The following RBM20 variants were observed in gnomAD, a reference collection of about 807,000 sequenced individuals.
RBM20 encodes RNA-binding protein 20.
Under a neutral mutation model 110.1 loss-of-function variants are expected in RBM20, and 51 were observed. That is an observed-to-expected ratio of 0.46 (90% confidence interval 0.37 to 0.59). RBM20 has a LOEUF of 0.59. Among genes scored for constraint, RBM20 ranks in the 20% least tolerant of loss-of-function variants. RBM20 has a pLI of 0.00. For missense variants in RBM20, 1,512 were observed against 1,574.9 expected, an observed-to-expected ratio of 0.96 and a Z score of 0.68; for synonymous variants, 589 against 618.2, an observed-to-expected ratio of 0.95 and a Z score of 0.70.
intron 1 of RBM20, among the ~76,000 whole-genome samples, chr10:110,776,155 G>T (rs899056584): frequency 6.6e-6 from 1 of 152,154 alleles, no homozygotes; most frequent in Non-Finnish European, 1.5e-5. Flanking sequence ...TGCAGAATTG[G>T]CCCCTGACTA....
intron 1 of RBM20, among the ~76,000 whole-genome samples, chr10:110,678,976 A>G (rs968522417): frequency 5.9e-5 from 9 of 152,260 alleles, no homozygotes; most frequent in Admixed American, 4.6e-4. Flanking sequence ...CAGTGGTTTA[A>G]TATGCAGGTT....
In RBM20 at chr10:110,838,791, A is replaced by T. The variant is rs1395880556; in HGVS notation, c.*2813A>T. On this transcript the variant is annotated 3_prime_UTR_variant, in exon 14 of 14. Coordinates refer to ENST00000369519, the MANE Select transcript of RBM20 (RefSeq NM_001134363.3). ...GAGAGATAAGGCGCTATCTGCCTTCAATCAGAACCTTCGGTTTAAAATCAT... is the reference window on the plus strand; with the variant it reads ...GAGAGATAAGGCGCTATCTGCCTTCTATCAGAACCTTCGGTTTAAAATCAT... 1 of 152,164 alleles carries T rather than the reference A, an allele frequency of 6.6e-6. No homozygotes were observed. The highest frequency in any genetic ancestry group is 2.4e-5 in the African/African-American group (1 of 41,438). The allele number at this position is 152,164 out of a possible 1,614,324, so 9.4% of individuals were successfully genotyped here.
At chr10:110,808,230 C>T (rs995221591) in intron 7 of RBM20, among the ~76,000 whole-genome samples, 1 of 152,222 alleles carries the variant, frequency 6.6e-6, no homozygotes, top group Admixed American at 6.5e-5. Context: ...GGCTGAAGGA[C>T]CAGTGGTCTC....
intron 1 of RBM20, among the ~76,000 whole-genome samples, chr10:110,696,020 A>T (rs1338824763): frequency 6.6e-6 from 1 of 152,210 alleles, no homozygotes; most frequent in Non-Finnish European, 1.5e-5. Flanking sequence ...ATCAGCATCT[A>T]CTTAGGAATG....
intron 1 of RBM20, among the ~76,000 whole-genome samples, chr10:110,690,365 C>T (rs980782931): frequency 1.3e-5 from 2 of 151,970 alleles, no homozygotes; most frequent in African/African-American, 4.8e-5. Flanking sequence ...GTGATAGTGC[C>T]ACTGCATTCC....
chr10:110,822,030 G>A (rs1844921189), intron 11 of RBM20, 95 bp downstream of exon 11: 2 of 1,261,708 alleles, frequency 1.6e-6, no homozygotes, highest in African/African-American at 1.5e-5. Context: ...ATGAACATAA[G>A]TAAGGTTTCA....
intron 1 of RBM20, among the ~76,000 whole-genome samples, chr10:110,712,909 T>TA: frequency 6.6e-6 from 1 of 152,388 alleles, no homozygotes; most frequent in South Asian, 2.1e-4. Context: ...CCAACACATC[T>TA]ATTACACCCT....
intron 1 of RBM20, among the ~76,000 whole-genome samples, chr10:110,674,534 C>G (rs1235495282): frequency 2.0e-5 from 3 of 152,236 alleles, no homozygotes; most frequent in Admixed American, 6.5e-5. Flanking sequence ...CGTGACCACG[C>G]AAGCTCAATA....
At chr10:110,676,662 A>G (rs893502095) in intron 1 of RBM20, among the ~76,000 whole-genome samples, 8 of 152,242 alleles carry the variant, frequency 5.3e-5, no homozygotes, top group African/African-American at 1.9e-4. Flanking sequence ...CAAAGTGTCT[A>G]TCAATTAGGA....
intron 1 of RBM20, among the ~76,000 whole-genome samples, chr10:110,734,624 T>G (rs1180674674): frequency 6.6e-6 from 1 of 151,354 alleles, no homozygotes. Flanking sequence ...CCCTCTTTTT[T>G]TTTTTTTTTT....
Position 110,812,891 on chromosome 10 carries a change from GATAGAGACC to G in RBM20, c.2496_2504del (p.Asp832_Gln835delinsGlu). 6.8e-7 allele frequency: 1 copy of G among 1,464,762 alleles called. No homozygotes were observed. Among genetic ancestry groups the G allele is most frequent in the Non-Finnish European group, 9.0e-7 (1 of 1,108,556 alleles). The allele number at this position is 1,464,762 out of a possible 1,614,324, so 90.7% of individuals were successfully genotyped here. Reference sequence around the variant, plus strand: ...TGAGAAAAATAAAACCAAGAGAACTGATAGAGACCAAGAAGGAGCTGATGATAGAAAAGA... The same window carrying G: ...TGAGAAAAATAAAACCAAGAGAACTGAAGAAGGAGCTGATGATAGAAAAGA... On this transcript the variant is annotated inframe_deletion, in exon 9 of 14. Coordinates refer to ENST00000369519, the MANE Select transcript of RBM20 (RefSeq NM_001134363.3).
intron 1 of RBM20, among the ~76,000 whole-genome samples, chr10:110,692,250 A>T (rs1254370640): frequency 6.6e-6 from 1 of 151,974 alleles, no homozygotes; most frequent in Non-Finnish European, 1.5e-5. Flanking sequence ...GCTATTTGGG[A>T]TTTGTCCCTT....
chr10:110,810,507 G>A, intron 8 of RBM20, 45 bp downstream of exon 8: 1 of 1,349,116 alleles, frequency 7.4e-7, no homozygotes, highest in Non-Finnish European at 1.0e-6. Context: ...CTGGGCAGTG[G>A]GAACAGACTC....
At chr10:110,727,144 T>C (rs1391724451) in intron 1 of RBM20, among the ~76,000 whole-genome samples, 1 of 51,390 alleles carries the variant, frequency 1.9e-5, no homozygotes, top group Non-Finnish European at 3.6e-5. Flanking sequence ...GCACCCAGCC[T>C]TTTTTTTTTT....
chr10:110,819,978 G>C (rs865881118), intron 9 of RBM20, 94 bp from the exon 10 acceptor site: 2 of 731,834 alleles, frequency 2.7e-6, no homozygotes, highest in Middle Eastern at 4.9e-4. Context: ...AAACCTATCT[G>C]AGAGCTGGGA....
rs769915968 is a variant in RBM20, at chr10:110,644,550, C to G, written c.96C>G (p.Ser32=). ...GCAGTGTGCCTGGTGCCCGGGCGTC[C>G]CCGGCACCCTCCGGCCCGCGAGGGA... is the stretch of plus-strand genomic sequence containing the variant. The part of the protein sequence containing the change: ...VACSVPGARA[S]PAPSGPRGMQ... The change falls in exon 1 of 14, where the codon TCC becomes TCG. Residue 32 remains serine, a synonymous_variant. Transcript: ENST00000369519. The surrounding 1 kb of genome is among the most constrained non-coding windows in gnomAD (Gnocchi z 4.3). 6.5e-7 allele frequency: 1 copy of G among 1,527,144 alleles called. No homozygotes were observed. Among genetic ancestry groups the G allele is most frequent in the South Asian group, 1.2e-5 (1 of 82,406 alleles). 94.6% of individuals were successfully genotyped at this position (1,527,144 alleles called of 1,614,324 possible).
intron 1 of RBM20, among the ~76,000 whole-genome samples, chr10:110,655,579 A>G (rs1862010932): frequency 6.6e-6 from 1 of 152,244 alleles, no homozygotes; most frequent in Admixed American, 6.5e-5. Flanking sequence ...CAATGATTAA[A>G]GTGTCCAAGG....
intron 1 of RBM20, among the ~76,000 whole-genome samples, chr10:110,659,306 T>C (rs1408798684): frequency 1.3e-5 from 2 of 152,188 alleles, no homozygotes; most frequent in African/African-American, 4.8e-5. Context: ...TCAGCTCTGC[T>C]CTGGGCTCCA....
At chr10:110,758,871 C>G (rs17762768) in intron 1 of RBM20, among the ~76,000 whole-genome samples, 14,596 of 152,104 alleles carry the variant, frequency 0.096, 958 homozygotes, top group Non-Finnish European at 0.14. Context: ...GATATGTCAC[C>G]CTGTGGATCC....
Sources: allele counts gnomAD v4.1 joint callset (sites outside exome capture counted in the v4.1 genomes callset), GRCh38; gene constraint gnomAD v4.1.1; non-coding constraint Gnocchi (gnomAD v3.1); transcripts MANE v1.5; gene names NCBI Gene and HGNC (gene_info 2026-07-23, HGNC 2026-07-21).